Variants in SCRN1 observed in about 807,000 individuals in gnomAD.
SCRN1 encodes secernin-1.
SCRN1 carries 19 observed loss-of-function variants against 43.3 expected under a neutral mutation model. The ratio of observed to expected loss-of-function variants is 0.44; its 90% CI spans 0.31 to 0.64. The LOEUF is 0.64. SCRN1 is among the 30% of genes least tolerant of loss of function. SCRN1 has a pLI of 0.09. For missense variants in SCRN1, 447 were observed against 524.1 expected (o/e 0.85, Z 1.44); for synonymous variants, 183 against 188.9 (o/e 0.97, Z 0.26).
At position 29,984,127 on chromosome 7, in the gene SCRN1, ACCCAGGAGGTAGAGCTTGCAATGAG is replaced by A. The variant is rs1392238223; in HGVS notation, c.-2+5490_-2+5514del. On this transcript the variant is annotated intron_variant, in intron 1 of 7. Coordinates refer to ENST00000242059, the MANE Select transcript of SCRN1 (RefSeq NM_014766.5). ...AGGCTGAGGCACAAGAATCACTTGA[ACCCAGGAGGTAGAGCTTGCAATGAG>A]CCAAGATTGCACCACTGCACTCCAG... Among the ~76,000 whole-genome samples the A allele has an allele frequency of 6.6e-5, 10 of 150,956 alleles. No individual in the cohort carries two copies. In the South Asian group the frequency reaches 1.7e-3, roughly 25 times the overall value.
intron 7 of SCRN1, among the ~76,000 whole-genome samples, chr7:29,925,933 TATAAC>T (rs1350404105): frequency 6.6e-6 from 1 of 152,046 alleles, no homozygotes; most frequent in Non-Finnish European, 1.5e-5. Flanking sequence ...ACATATGTAT[TATAAC>T]ATAAGATTGA....
At chr7:29,954,647 G>A (rs569328212) in intron 3 of SCRN1, among the ~76,000 whole-genome samples, 5 of 152,232 alleles carry the variant, frequency 3.3e-5, no homozygotes, top group Admixed American at 3.3e-4. Flanking sequence ...ATGTTTTCAA[G>A]ATCATTATGC....
chr7:29,941,198 G>A (rs755463016), intron 4 of SCRN1, among the ~76,000 whole-genome samples: 3 of 152,008 alleles, frequency 2.0e-5, no homozygotes, highest in Non-Finnish European at 4.4e-5. Flanking sequence ...TTAGTTACAT[G>A]CAAAAAAAGG....
chr7:29,970,195 A>G (rs1788623972), intron 1 of SCRN1, among the ~76,000 whole-genome samples: 1 of 152,190 alleles, frequency 6.6e-6, no homozygotes, highest in South Asian at 2.1e-4. Context: ...CAGTTTCCCA[A>G]GGCTCTTGGA....
At chr7:29,928,543 G>T (rs978419483) in intron 6 of SCRN1, among the ~76,000 whole-genome samples, 1 of 152,200 alleles carries the variant, frequency 6.6e-6, no homozygotes, top group Non-Finnish European at 1.5e-5. Flanking sequence ...TTGAGGACTA[G>T]TGTCAGGTAC....
At position 29,956,642 on chromosome 7, in the gene SCRN1, C is replaced by G. The variant is rs756773756; in HGVS notation, c.160-1282G>C. On this transcript the variant is annotated intron_variant, in intron 2 of 7. Coordinates refer to ENST00000242059, the MANE Select transcript of SCRN1 (RefSeq NM_014766.5). Reference sequence around the variant, plus strand: ...CCGTGTGACACACACACTCACTGGTCAGGTGACTTTGGGTCTGCACAATTC... The same window carrying G: ...CCGTGTGACACACACACTCACTGGTGAGGTGACTTTGGGTCTGCACAATTC... Among the ~76,000 whole-genome samples, 9 of 152,192 alleles carry G rather than the reference C, an allele frequency of 5.9e-5. 1 individual carries two copies. The highest frequency in any genetic ancestry group is 9.7e-5 in the African/African-American group (4 of 41,438).
chr7:29,974,275 A>G (rs2127926770), intron 1 of SCRN1, among the ~76,000 whole-genome samples: 1 of 152,332 alleles, frequency 6.6e-6, no homozygotes, highest in East Asian at 1.9e-4. Flanking sequence ...GAAATTTCAA[A>G]AGTGGCAAAT....
intron 2 of SCRN1, among the ~76,000 whole-genome samples, chr7:29,964,659 C>G (rs1788430708): frequency 6.6e-6 from 1 of 152,082 alleles, no homozygotes; most frequent in African/African-American, 2.4e-5. Flanking sequence ...AATACTGTAT[C>G]AGGCCGGGCT....
chr7:29,990,287 G>C (rs1789331718), upstream of SCRN1: 1 of 1,545,334 alleles, frequency 6.5e-7, no homozygotes, highest in East Asian at 2.4e-5. Flanking sequence ...TTGTGGCCTA[G>C]AGAGGTTAAG....
intron 2 of SCRN1, 149 bp from the exon 3 acceptor site, chr7:29,955,509 C>T (rs1349276220): frequency 4.2e-6 from 3 of 706,226 alleles, no homozygotes; most frequent in African/African-American, 3.6e-5. Context: ...TAAGTCTTCA[C>T]AATGCAGCTC....
chr7:29,968,222 A>G (rs993509662), intron 2 of SCRN1, among the ~76,000 whole-genome samples: 1 of 152,190 alleles, frequency 6.6e-6, no homozygotes, highest in Non-Finnish European at 1.5e-5. Context: ...ACTGAAAACA[A>G]TCCAAATGTC....
upstream of SCRN1, chr7:29,990,028 T>C (rs1789318398): frequency 6.8e-7 from 1 of 1,466,426 alleles, no homozygotes. Flanking sequence ...CTTTGCTAGA[T>C]TTTTATTTCT....
chr7:29,988,650 GCACA>G (rs986087766), intron 1 of SCRN1: 3 of 152,228 alleles, frequency 2.0e-5, no homozygotes, highest in Non-Finnish European at 2.9e-5. Flanking sequence ...GCGCACACGC[GCACA>G]CACACACGCA....
intron 3 of SCRN1, among the ~76,000 whole-genome samples, chr7:29,954,427 T>C (rs1788061591): frequency 6.6e-6 from 1 of 152,128 alleles, no homozygotes; most frequent in South Asian, 2.1e-4. Context: ...TGTGCAGCCA[T>C]CACCACAATC....
At position 29,922,811 on chromosome 7, in the gene SCRN1, A is replaced by C. The variant is rs11540586; in HGVS notation, c.*1146T>G. On this transcript the variant is annotated 3_prime_UTR_variant, in exon 8 of 8. Coordinates refer to ENST00000242059, the MANE Select transcript of SCRN1 (RefSeq NM_014766.5). ...AGAAATGCTTCTATATCCATCTATC[A>C]CCTCCTTGCCCTCTGTCTTCCCAAT... is the stretch of plus-strand genomic sequence containing the variant. The C allele has an allele frequency of 4.0e-5, 6 of 151,864 alleles. No individual in the cohort carries two copies. The highest frequency in any genetic ancestry group is 8.8e-5 in the Non-Finnish European group (6 of 68,016). The allele number at this position is 151,864 out of a possible 1,614,324, so 9.4% of individuals were successfully genotyped here.
At chr7:29,973,726 C>T (rs113313818) in intron 1 of SCRN1, among the ~76,000 whole-genome samples, 5 of 152,288 alleles carry the variant, frequency 3.3e-5, no homozygotes, top group African/African-American at 1.2e-4. Flanking sequence ...AGGAAGGAAA[C>T]CACAAAGCAG....
chr7:29,931,401 CT>C (rs1329280671), intron 6 of SCRN1, among the ~76,000 whole-genome samples: 1 of 152,198 alleles, frequency 6.6e-6, no homozygotes, highest in Non-Finnish European at 1.5e-5. Context: ...GCAAACATTT[CT>C]GTCCCATTTT....
intron 2 of SCRN1, among the ~76,000 whole-genome samples, chr7:29,961,984 A>C (rs114589817): frequency 0.01 from 1,559 of 152,140 alleles, 31 homozygotes; most frequent in African/African-American, 0.035. Context: ...AAGGGGGATC[A>C]GTTGGCAGGT....
At chr7:29,968,470 GAAGA>G (rs1788566778) in intron 2 of SCRN1, among the ~76,000 whole-genome samples, 1 of 152,274 alleles carries the variant, frequency 6.6e-6, no homozygotes, top group African/African-American at 2.4e-5. Context: ...GCTGTTAATC[GAAGA>G]AAGGAGGAAA....
Sources: allele counts gnomAD v4.1 joint callset (sites outside exome capture counted in the v4.1 genomes callset), GRCh38; gene constraint gnomAD v4.1.1; transcripts MANE v1.5; gene names NCBI Gene and HGNC (gene_info 2026-07-23, HGNC 2026-07-21).